PICALM: variants seen among roughly 807,000 people sequenced by gnomAD.
The protein encoded by PICALM is phosphatidylinositol binding clathrin assembly protein, also known as phosphatidylinositol-binding clathrin assembly protein.
PICALM carries 40 observed loss-of-function variants against 80.5 expected under a neutral mutation model. That is an observed-to-expected ratio of 0.50 (90% confidence interval 0.39 to 0.65). The LOEUF (loss-of-function observed/expected upper bound fraction) is 0.65. Among genes scored for constraint, PICALM ranks in the 30% least tolerant of loss-of-function variants. The pLI, the probability that PICALM is intolerant of heterozygous loss-of-function variation, is 0.00. For missense variants in PICALM, 676 were observed against 778.9 expected, an observed-to-expected ratio of 0.87 and a Z score of 1.57; for synonymous variants, 288 against 260.3, an observed-to-expected ratio of 1.11 and a Z score of -1.02.
At chr11:86,015,830 C>T (rs1459336841) in intron 4 of PICALM, among the ~76,000 whole-genome samples, 1 of 152,160 alleles carries the variant, frequency 6.6e-6, no homozygotes, top group African/African-American at 2.4e-5. Flanking sequence ...TTACAAATGA[C>T]CTATACTTAT....
chr11:85,991,865 T>C (rs2094790949), intron 12 of PICALM, among the ~76,000 whole-genome samples: 1 of 152,180 alleles, frequency 6.6e-6, no homozygotes, highest in Admixed American at 6.5e-5. Context: ...TTTTTTGTTT[T>C]CTTCTTTTTG....
At chr11:86,027,122 C>A (rs1291445882) in intron 2 of PICALM, among the ~76,000 whole-genome samples, 1 of 152,200 alleles carries the variant, frequency 6.6e-6, no homozygotes, top group Non-Finnish European at 1.5e-5. Context: ...ATGAATACAT[C>A]ATCATAAATC....
chr11:86,026,826 T>C (rs927694042), intron 2 of PICALM, among the ~76,000 whole-genome samples: 2 of 152,210 alleles, frequency 1.3e-5, no homozygotes, highest in African/African-American at 4.8e-5. Flanking sequence ...TCACATCTTA[T>C]ATAGAATCAA....
chr11:85,969,765 T>C, intron 19 of PICALM: 5 of 253,030 alleles, frequency 2.0e-5, no homozygotes, highest in Non-Finnish European at 4.1e-5. Flanking sequence ...GTGATCCTCC[T>C]ACCTCAGCCT....
intron 1 of PICALM, among the ~76,000 whole-genome samples, chr11:86,065,423 C>T (rs929108141): frequency 1.3e-5 from 2 of 150,802 alleles, no homozygotes; most frequent in Non-Finnish European, 2.9e-5. Flanking sequence ...AGCCTGGCGA[C>T]AGAGCGAGAC....
Position 86,068,961 on chromosome 11 carries a change from G to A in PICALM, c.-181C>T. On this transcript the variant is annotated 5_prime_UTR_variant, in exon 1 of 20. Coordinates refer to ENST00000393346, the MANE Select transcript of PICALM (RefSeq NM_007166.4). ...ACCAGTCCAGAGAGAACCGGCTCGT[G>A]TCACCCGCGGAGTCGGACAAGATGT... The A allele has an allele frequency of 4.1e-6, 3 of 725,292 alleles. No individual in the cohort carries two copies. The highest frequency in any genetic ancestry group is 2.0e-5 in the South Asian group (1 of 50,718). 44.9% of individuals were successfully genotyped at this position (725,292 alleles called of 1,614,324 possible).
At chr11:85,967,945 C>CAACA (rs386374378) in intron 19 of PICALM, among the ~76,000 whole-genome samples, 1 of 151,600 alleles carries the variant, frequency 6.6e-6, no homozygotes, top group African/African-American at 2.4e-5. Flanking sequence ...CTGCAAACAA[C>CAACA]AAAAAACAGC....
At chr11:86,034,555 A>G (rs2095809704) in intron 1 of PICALM, among the ~76,000 whole-genome samples, 1 of 152,210 alleles carries the variant, frequency 6.6e-6, no homozygotes, top group Admixed American at 6.5e-5. Flanking sequence ...TACCAAAATG[A>G]GGACAGATCT....
At position 86,067,104 on chromosome 11, in the gene PICALM, T is replaced by C. The variant is rs187994214; in HGVS notation, c.130+1547A>G. 2.5e-3 allele frequency among the ~76,000 whole-genome samples: 379 copies of C among 152,326 alleles called. 2 individuals are homozygous for C. The highest frequency in any genetic ancestry group is 6.8e-3 in the Middle Eastern group (2 of 294). ...GGAACAATCACAAAGAATAATAGGCTTCTGTGTAGCAAAAACTTGTTCTAA... is the reference window on the plus strand; with the variant it reads ...GGAACAATCACAAAGAATAATAGGCCTCTGTGTAGCAAAAACTTGTTCTAA... On this transcript the variant is annotated intron_variant, in intron 1 of 19. Coordinates refer to ENST00000393346, the MANE Select transcript of PICALM (RefSeq NM_007166.4).
intron 1 of PICALM, among the ~76,000 whole-genome samples, chr11:86,040,452 CG>C (rs1457784721): frequency 1.3e-5 from 2 of 152,134 alleles, no homozygotes; most frequent in Non-Finnish European, 2.9e-5. Flanking sequence ...TCCTTCTCCT[CG>C]GCCTCCCAAA....
chr11:85,974,556 C>T (rs1478408202), intron 19 of PICALM, 152 bp downstream of exon 19: 3 of 722,002 alleles, frequency 4.2e-6, no homozygotes, highest in Non-Finnish European at 7.7e-6. Context: ...ATTCCTAAAG[C>T]TCTTATATAA....
intron 2 of PICALM, among the ~76,000 whole-genome samples, chr11:86,027,309 C>T (rs1266615981): frequency 6.6e-6 from 1 of 152,122 alleles, no homozygotes; most frequent in African/African-American, 2.4e-5. Flanking sequence ...CTCAATATTG[C>T]CAAAATGGTC....
intron 1 of PICALM, among the ~76,000 whole-genome samples, chr11:86,066,602 G>A (rs1304642239): frequency 6.6e-6 from 1 of 152,080 alleles, no homozygotes. Context: ...TTTTGACAAT[G>A]CTTTAAAAGA....
chr11:85,994,893 A>C (rs1056218186), intron 12 of PICALM, among the ~76,000 whole-genome samples: 3 of 152,176 alleles, frequency 2.0e-5, no homozygotes, highest in African/African-American at 7.2e-5. Flanking sequence ...TAGTAGAGAC[A>C]GGGTTTTGCC....
chr11:86,012,044 G>C (rs986682427), intron 6 of PICALM, among the ~76,000 whole-genome samples: 2 of 151,704 alleles, frequency 1.3e-5, no homozygotes, highest in African/African-American at 2.4e-5. Flanking sequence ...AAAATGGGTG[G>C]AAAAAACATA....
chr11:85,965,143 G>A (rs774134809), intron 19 of PICALM, among the ~76,000 whole-genome samples: 1 of 152,058 alleles, frequency 6.6e-6, no homozygotes, highest in East Asian at 1.9e-4. Flanking sequence ...AGGTATTTAG[G>A]TTCTCATCAA....
chr11:86,067,247 T>C (rs1314853297), intron 1 of PICALM, among the ~76,000 whole-genome samples: 1 of 152,210 alleles, frequency 6.6e-6, no homozygotes, highest in Non-Finnish European at 1.5e-5. Flanking sequence ...GACAGTGAAT[T>C]ATCTTTCAGG....
chr11:86,020,438 A>G (rs946491934), intron 4 of PICALM, among the ~76,000 whole-genome samples: 10 of 151,574 alleles, frequency 6.6e-5, no homozygotes, highest in Non-Finnish European at 1.0e-4. Flanking sequence ...AAAAAAAAAA[A>G]AAAAAGAATA....
intron 4 of PICALM, among the ~76,000 whole-genome samples, chr11:86,015,840 T>C (rs1368867141): frequency 2.6e-5 from 4 of 152,224 alleles, no homozygotes; most frequent in Non-Finnish European, 5.9e-5. Flanking sequence ...CCTATACTTA[T>C]AAATGGCTGT....
Sources: allele counts gnomAD v4.1 joint callset (sites outside exome capture counted in the v4.1 genomes callset), GRCh38; gene constraint gnomAD v4.1.1; transcripts MANE v1.5; gene names NCBI Gene and HGNC (gene_info 2026-07-23, HGNC 2026-07-21).